The following RPGRIP1L variants were observed in gnomAD, a reference collection of about 807,000 sequenced individuals.
RPGRIP1L encodes the protein protein fantom.
RPGRIP1L carries 131 observed loss-of-function variants against 160.4 expected under a neutral mutation model. That is an observed-to-expected ratio of 0.82 (90% CI 0.71 to 0.94). The LOEUF (loss-of-function observed/expected upper bound fraction) is 0.94, where lower values mean the gene tolerates loss of function less well. RPGRIP1L is among the 40% of genes least tolerant of loss of function. The pLI, the probability that RPGRIP1L is intolerant of heterozygous loss-of-function variation, is 0.00. For missense variants in RPGRIP1L, 1,522 were observed against 1,535.8 expected, an observed-to-expected ratio of 0.99 and a Z score of 0.15; for synonymous variants, 510 against 515.8, an observed-to-expected ratio of 0.99 and a Z score of 0.15.
At chr16:53,679,366 C>T (rs1969439540) in intron 6 of RPGRIP1L, among the ~76,000 whole-genome samples, 1 of 151,862 alleles carries the variant, frequency 6.6e-6, no homozygotes, top group South Asian at 2.1e-4. Context: ...TGGATTCCAA[C>T]TTGAGATTTA....
intron 9 of RPGRIP1L, among the ~76,000 whole-genome samples, chr16:53,670,313 C>G (rs1191800918): frequency 6.6e-6 from 1 of 152,128 alleles, no homozygotes; most frequent in Non-Finnish European, 1.5e-5. Flanking sequence ...TAAAGATGCA[C>G]TTGTAGCTCA....
intron 15 of RPGRIP1L, among the ~76,000 whole-genome samples, chr16:53,651,003 C>T (rs1966848362): frequency 6.6e-6 from 1 of 152,194 alleles, no homozygotes; most frequent in Non-Finnish European, 1.5e-5. Context: ...ACAACTCCCA[C>T]TTTTATATCT....
rs765009772 is a variant in RPGRIP1L at position 53,652,824 on chromosome 16, T to C, written c.1863A>G (p.Leu621=). ...CAGGCTCTTTATCTCCAGATGCCTG[T>C]AAAACTTCAGAAGAAAAGGTTACTT... ...INKVTFSSEV[L]QASGDKEPVT... The change falls in exon 15 of 27, where the codon TTA becomes TTG. Residue 621 remains leucine (L), a synonymous_variant. Transcript: ENST00000647211. The C allele has an allele frequency of 1.9e-5, 31 of 1,613,628 alleles. No individual in the cohort carries two copies. Among genetic ancestry groups the C allele is most frequent in the Non-Finnish European group, 2.5e-5 (29 of 1,179,912 alleles).
intron 1 of RPGRIP1L, chr16:53,701,789 G>A (rs566694518): frequency 1.3e-5 from 2 of 151,986 alleles, no homozygotes; most frequent in Admixed American, 6.5e-5. Context: ...GGGTTTCAGG[G>A]TCTGTGAACC....
At chr16:53,615,741 G>C (rs1013628928) in intron 24 of RPGRIP1L, among the ~76,000 whole-genome samples, 2 of 151,892 alleles carry the variant, frequency 1.3e-5, no homozygotes, top group Non-Finnish European at 2.9e-5. Flanking sequence ...TGGGATTTCA[G>C]GTGTGAGCCA....
intron 16 of RPGRIP1L, among the ~76,000 whole-genome samples, chr16:53,646,763 C>T (rs1408554468): frequency 6.6e-6 from 1 of 152,138 alleles, no homozygotes; most frequent in Non-Finnish European, 1.5e-5. Context: ...CTCTACATTC[C>T]ACAAAGGCAT....
At chr16:53,615,468 A>ATCTT (rs1441369433) in intron 24 of RPGRIP1L, among the ~76,000 whole-genome samples, 1 of 69,890 alleles carries the variant, frequency 1.4e-5, no homozygotes, top group African/African-American at 6.3e-5. Context: ...ATATATATAT[A>ATCTT]TATATTTTTT....
intron 1 of RPGRIP1L, 79 bp from the exon 2 acceptor site, chr16:53,700,809 G>A (rs1207758244): frequency 1.7e-5 from 18 of 1,085,120 alleles, no homozygotes; most frequent in East Asian, 1.2e-4. Context: ...CAAATAAAAC[G>A]AAAAAGGGAC....
chr16:53,666,908 C>T (rs1968315980), intron 9 of RPGRIP1L, among the ~76,000 whole-genome samples: 1 of 152,036 alleles, frequency 6.6e-6, no homozygotes, highest in South Asian at 2.1e-4. Flanking sequence ...TGCTATCTTC[C>T]CTCTAAATTT....
At chr16:53,603,126 CCACTG>C in intron 26 of RPGRIP1L, among the ~76,000 whole-genome samples, 1 of 152,140 alleles carries the variant, frequency 6.6e-6, no homozygotes, top group East Asian at 1.9e-4. Context: ...GAGGCCTGAG[CCACTG>C]CACCCAGCCC....
At chr16:53,611,094 G>C (rs758820366) in intron 24 of RPGRIP1L, 43 bp from the exon 25 acceptor site, 1 of 1,310,882 alleles carries the variant, frequency 7.6e-7, no homozygotes, top group Non-Finnish European at 1.1e-6. Flanking sequence ...AAGTCACTCA[G>C]GAATAGGCTA....
chr16:53,613,605 C>T (rs1218844551), intron 24 of RPGRIP1L, among the ~76,000 whole-genome samples: 1 of 152,188 alleles, frequency 6.6e-6, no homozygotes, highest in Non-Finnish European at 1.5e-5. Flanking sequence ...GAGTAAGCCA[C>T]CATGACTGGC....
chr16:53,682,382 T>C (rs1049249279), intron 6 of RPGRIP1L, among the ~76,000 whole-genome samples: 34 of 152,196 alleles, frequency 2.2e-4, no homozygotes, highest in African/African-American at 7.7e-4. Flanking sequence ...TATGTATACA[T>C]GTTGGTGTCT....
chr16:53,674,266 T>C (rs1968971757), intron 7 of RPGRIP1L, among the ~76,000 whole-genome samples: 2 of 152,190 alleles, frequency 1.3e-5, no homozygotes, highest in Non-Finnish European at 2.9e-5. Flanking sequence ...TGCATCAATC[T>C]ACTGCCCTCC....
chr16:53,699,609 C>G (rs941348856), intron 2 of RPGRIP1L, among the ~76,000 whole-genome samples: 1 of 152,136 alleles, frequency 6.6e-6, no homozygotes, highest in Admixed American at 6.5e-5. Flanking sequence ...CCTGAAAGAT[C>G]TGCAGAGCAA....
chr16:53,660,891 TAAA>T (rs534819342), intron 10 of RPGRIP1L, among the ~76,000 whole-genome samples: 5 of 117,000 alleles, frequency 4.3e-5, no homozygotes, highest in Admixed American at 9.0e-5. Context: ...AGACTACATC[TAAA>T]AAAAAAAAAA....
intron 15 of RPGRIP1L, among the ~76,000 whole-genome samples, chr16:53,651,167 T>A (rs534524333): frequency 1.3e-5 from 2 of 152,320 alleles, no homozygotes; most frequent in South Asian, 2.1e-4. Context: ...TCTCAGTAAA[T>A]GGCATCACTA....
intron 3 of RPGRIP1L, chr16:53,693,204 C>T (rs1598413207): frequency 6.6e-6 from 1 of 152,154 alleles, no homozygotes; most frequent in Admixed American, 6.5e-5. Context: ...GACACAAGTT[C>T]AAGACTTTAC....
Position 53,638,339 on chromosome 16 carries a change from T to C in RPGRIP1L, c.3031A>G (p.Asn1011Asp). The change falls in exon 20 of 27, where the codon AAT becomes GAT. Residue 1011 changes from asparagine (N) to aspartate (D), a missense_variant. By Grantham distance (23) the Asn-to-Asp change is conservative. Coordinates refer to ENST00000647211, the MANE Select transcript of RPGRIP1L (RefSeq NM_015272.5). ...EVEHIPEIEI[N>D]MLTVPHVPKV... Reference sequence around the variant, plus strand: ...GGAACATGTGGAACAGTCAGCATATTAATTTCTATTTCTGGTATATGCTCT... The same window carrying C: ...GGAACATGTGGAACAGTCAGCATATCAATTTCTATTTCTGGTATATGCTCT... 6.3e-7 allele frequency: 1 copy of C among 1,592,510 alleles called. No individual in the cohort carries two copies. Among genetic ancestry groups the C allele is most frequent in the Non-Finnish European group, 8.6e-7 (1 of 1,160,840 alleles).
Sources: gnomAD v4.1 joint callset for allele counts (sites outside exome capture counted in the v4.1 genomes callset) on GRCh38, gnomAD v4.1.1 for gene constraint, MANE v1.5 for transcripts, NCBI Gene and HGNC (gene_info 2026-07-23, HGNC 2026-07-21) for gene names.